VGLL3: variants seen among roughly 807,000 people sequenced by gnomAD.
VGLL3 encodes the protein vestigial like family member 3, also known as transcription cofactor vestigial-like protein 3.
In VGLL3, 18 loss-of-function variants were observed where a neutral mutation model predicts 29.2. The ratio of observed to expected loss-of-function variants is 0.62; its 90% CI spans 0.43 to 0.91. VGLL3 has a LOEUF of 0.91. Among genes scored for constraint, VGLL3 ranks in the 40% least tolerant of loss-of-function variants. The pLI, the probability that VGLL3 is intolerant of heterozygous loss-of-function variation, is 0.00. For missense variants in VGLL3, 440 were observed against 413.2 expected, an observed-to-expected ratio of 1.06 and a Z score of -0.56; for synonymous variants, 180 against 151.8, an observed-to-expected ratio of 1.19 and a Z score of -1.36.
chr3:86,959,744 A>G (rs1559723403), intron 3 of VGLL3, among the ~76,000 whole-genome samples: 1 of 152,272 alleles, frequency 6.6e-6, no homozygotes, highest in East Asian at 1.9e-4. Context: ...TTTTAATAAC[A>G]TTAGTACCCC....
Position 86,941,460 on chromosome 3 carries a change from T to A in VGLL3, c.*5564A>T, listed in dbSNP as rs9828396. The A allele has an allele frequency of 0.58, 87,720 of 151,212 alleles. 25,746 individuals carry two copies. The highest frequency in any genetic ancestry group is 0.67 in the Middle Eastern group (187 of 280). The allele number at this position is 151,212 out of a possible 1,614,324, so 9.4% of individuals were successfully genotyped here. On this transcript the variant is annotated 3_prime_UTR_variant, in exon 4 of 4. Transcript: ENST00000398399. ...GTAGTCTAGAAATTGTTTTTTTTTT[T>A]AAAAAAACAAATTGATGATTACTTA...
intron 2 of VGLL3, among the ~76,000 whole-genome samples, chr3:86,974,525 T>C (rs942958402): frequency 1.3e-5 from 2 of 152,162 alleles, no homozygotes; most frequent in Non-Finnish European, 2.9e-5. Flanking sequence ...AAAATACATA[T>C]ACTTCCTATC....
chr3:86,990,419 G>GT (rs1397777257), intron 1 of VGLL3, 199 bp downstream of exon 1: 2 of 982,070 alleles, frequency 2.0e-6, no homozygotes, highest in East Asian at 2.3e-4. Context: ...CCCCAGCTAG[G>GT]TCATGCCTCA....
intron 1 of VGLL3, among the ~76,000 whole-genome samples, chr3:86,981,819 A>T (rs1705331297): frequency 6.6e-6 from 1 of 152,144 alleles, no homozygotes; most frequent in South Asian, 2.1e-4. Context: ...TAATGAACCA[A>T]TTTAAATATT....
intron 3 of VGLL3, among the ~76,000 whole-genome samples, chr3:86,953,989 A>G (rs72916057): frequency 0.08 from 12,240 of 152,244 alleles, 1,294 homozygotes; most frequent in African/African-American, 0.24. Context: ...TTCTCTTATA[A>G]TTACAATTCT....
chr3:86,967,787 A>C (rs1704995461), intron 3 of VGLL3, among the ~76,000 whole-genome samples: 1 of 152,202 alleles, frequency 6.6e-6, no homozygotes. Context: ...AGAACTATGA[A>C]TACTATTAAT....
rs140916968 is a variant in VGLL3 at position 86,970,747 on chromosome 3, C to T, written c.404-1624G>A. On this transcript the variant is annotated intron_variant, in intron 2 of 3. Transcript: ENST00000398399. ...GTTTGTGGAAAGATCAGTGCCTCCA[C>T]CTGTAGCCTGTTGCCTACAGTGTTG... 7.3e-3 allele frequency among the ~76,000 whole-genome samples: 1,113 copies of T among 152,210 alleles called. 18 individuals carry two copies. The highest frequency in any genetic ancestry group is 0.024 in the African/African-American group (1,012 of 41,502).
At chr3:86,973,638 T>C (rs1018327429) in intron 2 of VGLL3, among the ~76,000 whole-genome samples, 3 of 152,210 alleles carry the variant, frequency 2.0e-5, no homozygotes, top group Non-Finnish European at 2.9e-5. Flanking sequence ...GTGAGATTAG[T>C]CACGCCTCAC....
In VGLL3 at chr3:86,955,382, T is replaced by C. The variant is rs924082541; in HGVS notation, c.938-8315A>G. On this transcript the variant is annotated intron_variant, in intron 3 of 3. Transcript: ENST00000398399. ...ACTTTTCATCTCTCTCTCTCTCTCT[T>C]TTTTTTTTTTTTTTTTTTGAGACGA... Among the ~76,000 whole-genome samples, 316 of 142,630 alleles carry C rather than the reference T, an allele frequency of 2.2e-3. 1 individual carries two copies. Among genetic ancestry groups the C allele is most frequent in the Middle Eastern group, 3.8e-3 (1 of 264 alleles). 93.6% of individuals were successfully genotyped at this position (142,630 alleles called of 152,430 possible).
intron 1 of VGLL3, among the ~76,000 whole-genome samples, chr3:86,987,765 A>G (rs1472939716): frequency 6.6e-6 from 1 of 152,150 alleles, no homozygotes; most frequent in Non-Finnish European, 1.5e-5. Context: ...TTGACTTTTT[A>G]GCCCACTGTA....
chr3:86,984,842 G>A (rs1336661680), intron 1 of VGLL3, among the ~76,000 whole-genome samples: 1 of 151,970 alleles, frequency 6.6e-6, no homozygotes, highest in East Asian at 1.9e-4. Context: ...AGAGCCTCAT[G>A]GTTTATTTAT....
At position 86,968,926 on chromosome 3, in the gene VGLL3, G is replaced by A. The variant is rs775675832; in HGVS notation, c.601C>T (p.Pro201Ser). 11 of 1,614,138 alleles carry A rather than the reference G, an allele frequency of 6.8e-6. No homozygotes were observed. Among genetic ancestry groups the A allele is most frequent in the Non-Finnish European group, 9.3e-6 (11 of 1,180,034 alleles). The change falls in exon 3 of 4, where the codon CCT becomes TCT. Residue 201 changes from proline to serine, a missense_variant. By Grantham distance (74) the Pro-to-Ser change is moderately conservative. Coordinates refer to ENST00000398399, the MANE Select transcript of VGLL3 (RefSeq NM_016206.4). ...TAAGGCCAGGACTCAGACACAGCAG[G>A]GGGAGGGGCTGGGCCAGTCTGATGC... ...NLHQTGPAPPPAVSESWPYPL... is the reference protein window; with the variant it reads ...NLHQTGPAPPSAVSESWPYPL...
intron 2 of VGLL3, among the ~76,000 whole-genome samples, chr3:86,973,076 C>T (rs62257348): frequency 3.5e-4 from 53 of 151,440 alleles, no homozygotes; most frequent in Non-Finnish European, 6.9e-4. Flanking sequence ...AAAAAAAACA[C>T]ACACACACAC....
intron 2 of VGLL3, among the ~76,000 whole-genome samples, chr3:86,976,237 C>A (rs1352787207): frequency 1.3e-5 from 2 of 152,234 alleles, no homozygotes; most frequent in Non-Finnish European, 2.9e-5. Flanking sequence ...GGCCTTTGCA[C>A]TATCTGTCCC....
intron 3 of VGLL3, among the ~76,000 whole-genome samples, chr3:86,955,844 A>G (rs530096144): frequency 9.8e-5 from 15 of 152,330 alleles, no homozygotes; most frequent in Non-Finnish European, 1.6e-4. Context: ...CATGAAAATA[A>G]ACACTATAAC....
intron 3 of VGLL3, among the ~76,000 whole-genome samples, chr3:86,950,863 T>C (rs1704603014): frequency 1.3e-5 from 2 of 152,306 alleles, no homozygotes; most frequent in South Asian, 4.1e-4. Flanking sequence ...GGGTGGTCAA[T>C]TGCCTCTTGA....
In VGLL3 at chr3:86,966,771, GTGTATATATATA is replaced by G. The variant is rs1484156425; in HGVS notation, c.937+1807_937+1818del. On this transcript the variant is annotated intron_variant, in intron 3 of 3. Transcript: ENST00000398399. ...AAGAACTTAAAGTAATAGTGTGTGT[GTGTATATATATA>G]TATATATATATATATATATATATAT... 1.0e-2 allele frequency among the ~76,000 whole-genome samples: 693 copies of G among 69,528 alleles called. 29 individuals carry two copies. The highest frequency in any genetic ancestry group is 0.022 in the Middle Eastern group (2 of 90). The allele number at this position is 69,528 out of a possible 152,430, so 45.6% of individuals were successfully genotyped here. A position where few individuals can be genotyped will look rare whatever the true frequency, so the allele number is the denominator to read the frequency against.
chr3:86,973,989 C>A (rs1705156866), intron 2 of VGLL3, among the ~76,000 whole-genome samples: 1 of 152,230 alleles, frequency 6.6e-6, no homozygotes, highest in Admixed American at 6.5e-5. Flanking sequence ...TATTTGAAAC[C>A]AATGTTTAGC....
At chr3:86,982,344 C>T (rs1705343283) in intron 1 of VGLL3, among the ~76,000 whole-genome samples, 1 of 151,744 alleles carries the variant, frequency 6.6e-6, no homozygotes, top group African/African-American at 2.4e-5. Flanking sequence ...CGGGGTTTCA[C>T]TATGTTGGCC....
Sources: gnomAD v4.1 joint callset for allele counts (sites outside exome capture counted in the v4.1 genomes callset) on GRCh38, gnomAD v4.1.1 for gene constraint, MANE v1.5 for transcripts, NCBI Gene and HGNC (gene_info 2026-07-23, HGNC 2026-07-21) for gene names.